Variants in TMEM131L observed in about 807,000 individuals in gnomAD.
TMEM131L encodes the protein transmembrane protein 131-like.
Under a neutral mutation model 192.2 loss-of-function variants are expected in TMEM131L, and 54 were observed. The observed-to-expected ratio is 0.28, with a 90% confidence interval of 0.23 to 0.35. TMEM131L has a LOEUF of 0.35. Among genes scored for constraint, TMEM131L ranks in the 10% least tolerant of loss-of-function variants. The probability of loss-of-function intolerance (pLI) is 1.00; values close to 1 mark genes in which losing one functional copy is unlikely to be tolerated. For synonymous variants in TMEM131L, 701 were observed against 704.9 expected, an observed-to-expected ratio of 0.99 and a Z score of 0.09; for missense variants, 1,888 against 1,972.9, an observed-to-expected ratio of 0.96 and a Z score of 0.82.
At chr4:153,508,252 A>C (rs551255873) in intron 3 of TMEM131L, among the ~76,000 whole-genome samples, 1 of 152,062 alleles carries the variant, frequency 6.6e-6, no homozygotes, top group East Asian at 1.9e-4. Context: ...TTTATACCCA[A>C]CTCTATGTTG....
chr4:153,556,289 C>T (rs1256944386), intron 5 of TMEM131L, among the ~76,000 whole-genome samples: 2 of 152,174 alleles, frequency 1.3e-5, no homozygotes, highest in African/African-American at 4.8e-5. Flanking sequence ...GAGACCTCTT[C>T]CATCTCTCAA....
At chr4:153,625,553 G>A (rs1733781117) in intron 29 of TMEM131L, among the ~76,000 whole-genome samples, 1 of 152,080 alleles carries the variant, frequency 6.6e-6, no homozygotes, top group Non-Finnish European at 1.5e-5. Context: ...TAATAGTAGG[G>A]AAATGTCCCC....
At chr4:153,558,477 AATATAC>A (rs1728632954) in intron 7 of TMEM131L, 109 bp downstream of exon 7, 1 of 535,000 alleles carries the variant, frequency 1.9e-6, no homozygotes, top group Non-Finnish European at 3.4e-6. Flanking sequence ...ATATAGAAGT[AATATAC>A]ATATATAAAA....
In TMEM131L at chr4:153,555,921, A is replaced by G. The variant is rs1478511503; in HGVS notation, c.432+11A>G. 1.9e-6 allele frequency: 3 copies of G among 1,550,898 alleles called. No individual in the cohort carries two copies. The highest frequency in any genetic ancestry group is 1.2e-5 in the South Asian group (1 of 84,004). Reference sequence around the variant, plus strand: ...CCAGTTCCCTGCAGGGTGGGTGTTGATGGACTCCTGGAAACTATGCCGTGG... The same window carrying G: ...CCAGTTCCCTGCAGGGTGGGTGTTGGTGGACTCCTGGAAACTATGCCGTGG... On this transcript the variant is annotated intron_variant, in intron 5 of 34. Transcript: ENST00000409959. The surrounding 1 kb of genome is among the most constrained non-coding windows in gnomAD (Gnocchi z 4.1).
chr4:153,634,076 C>A, intron 32 of TMEM131L, 116 bp from the exon 33 acceptor site: 1 of 846,930 alleles, frequency 1.2e-6, no homozygotes. Flanking sequence ...CTTTTATTTT[C>A]CAAAATTGGG....
intron 7 of TMEM131L, chr4:153,558,631 C>T (rs1424087106): frequency 9.1e-6 from 2 of 220,366 alleles, no homozygotes; most frequent in African/African-American, 4.6e-5. Flanking sequence ...GGCCATATAC[C>T]TATTTTATAA....
At chr4:153,524,131 G>GTTTTTTTT (rs57178282) in intron 3 of TMEM131L, among the ~76,000 whole-genome samples, 1 of 122,734 alleles carries the variant, frequency 8.1e-6, no homozygotes, top group Admixed American at 8.2e-5. Context: ...TTTCACTTCT[G>GTTTTTTTT]TTTTTTTTTT....
At chr4:153,565,270 A>G (rs1729116146) in intron 7 of TMEM131L, among the ~76,000 whole-genome samples, 1 of 152,246 alleles carries the variant, frequency 6.6e-6, no homozygotes, top group Non-Finnish European at 1.5e-5. Context: ...AGTTTTTAAT[A>G]GATAAATGAG....
At chr4:153,564,254 A>C (rs939205763) in intron 7 of TMEM131L, among the ~76,000 whole-genome samples, 1 of 135,726 alleles carries the variant, frequency 7.4e-6, no homozygotes, top group Non-Finnish European at 1.5e-5. Context: ...ATCTTATTGC[A>C]CTCCAGCCTG....
intron 18 of TMEM131L, 132 bp from the exon 19 acceptor site, chr4:153,593,667 A>G (rs1327072828): frequency 6.3e-6 from 4 of 632,808 alleles, no homozygotes; most frequent in Admixed American, 4.3e-5. Flanking sequence ...ACAGGATGGG[A>G]TGAATTTTGT....
intron 26 of TMEM131L, among the ~76,000 whole-genome samples, chr4:153,617,634 G>A (rs1393821109): frequency 6.6e-6 from 1 of 152,192 alleles, no homozygotes; most frequent in Non-Finnish European, 1.5e-5. Context: ...CTGAAAAGAA[G>A]TTCTGGAAAT....
At chr4:153,486,892 G>A (rs1167318547) in intron 3 of TMEM131L, among the ~76,000 whole-genome samples, 2 of 152,230 alleles carry the variant, frequency 1.3e-5, no homozygotes, top group African/African-American at 4.8e-5. Context: ...TGGGAAGGCC[G>A]ACAGCAGTGT....
At chr4:153,486,672 C>T (rs897248075) in intron 3 of TMEM131L, among the ~76,000 whole-genome samples, 2 of 152,320 alleles carry the variant, frequency 1.3e-5, no homozygotes, top group South Asian at 2.1e-4. Context: ...CATCCAAAGG[C>T]AGGTTAAAAG....
chr4:153,635,675 C>T (rs973734731), intron 34 of TMEM131L, 104 bp downstream of exon 34: 2 of 1,299,368 alleles, frequency 1.5e-6, no homozygotes, highest in Non-Finnish European at 2.1e-6. Context: ...GGGTTTGGAC[C>T]AGCCAAAGCC....
At chr4:153,607,931 A>G (rs1732351698) in intron 25 of TMEM131L, among the ~76,000 whole-genome samples, 1 of 152,176 alleles carries the variant, frequency 6.6e-6, no homozygotes, top group Admixed American at 6.5e-5. Context: ...ATCTCTACCC[A>G]AAGAAGTATA....
At position 153,497,669 on chromosome 4, in the gene TMEM131L, A is replaced by G. The variant is rs537829942; in HGVS notation, c.239+23781A>G. On this transcript the variant is annotated intron_variant, in intron 3 of 34. Coordinates refer to ENST00000409959, the MANE Select transcript of TMEM131L (RefSeq NM_001131007.2). ...CAAATCCCACGAGGTTCACGTATCTATTGCTGCTGCTTTACCCTGTTCTGG... is the reference window on the plus strand; with the variant it reads ...CAAATCCCACGAGGTTCACGTATCTGTTGCTGCTGCTTTACCCTGTTCTGG... 4.4e-4 allele frequency among the ~76,000 whole-genome samples: 67 copies of G among 152,244 alleles called. 1 individual carries two copies. Among genetic ancestry groups the G allele is most frequent in the African/African-American group, 1.5e-3 (61 of 41,558 alleles).
chr4:153,611,864 T>C (rs1304516244), intron 25 of TMEM131L, among the ~76,000 whole-genome samples: 2 of 152,252 alleles, frequency 1.3e-5, no homozygotes, highest in Non-Finnish European at 2.9e-5. Flanking sequence ...TCAGTAGTTT[T>C]AAGTATTTCA....
chr4:153,576,085 G>A (rs567176603), intron 7 of TMEM131L, among the ~76,000 whole-genome samples: 17 of 151,522 alleles, frequency 1.1e-4, no homozygotes, highest in Admixed American at 9.2e-4. Context: ...TCAGCCTCCC[G>A]AGTAGCTGGG....
intron 17 of TMEM131L, 96 bp downstream of exon 17, chr4:153,591,290 A>G: frequency 8.2e-7 from 1 of 1,214,648 alleles, no homozygotes; most frequent in Admixed American, 2.8e-5. Flanking sequence ...CTACCATTTC[A>G]AAGCCAAAAT....
Sources: allele counts gnomAD v4.1 joint callset (sites outside exome capture counted in the v4.1 genomes callset), GRCh38; gene constraint gnomAD v4.1.1; non-coding constraint Gnocchi (gnomAD v3.1); transcripts MANE v1.5; gene names NCBI Gene and HGNC (gene_info 2026-07-23, HGNC 2026-07-21).